Variants in PLAA observed in about 807,000 individuals in gnomAD.
PLAA encodes the protein phospholipase A-2-activating protein.
A neutral mutation model predicts 84.1 loss-of-function variants in PLAA; 48 were observed. The ratio of observed to expected loss-of-function variants is 0.57; its 90% CI spans 0.45 to 0.73. The LOEUF is 0.73. Among genes scored for constraint, PLAA ranks in the 30% least tolerant of loss-of-function variants. The pLI is 0.00. For synonymous variants in PLAA, 392 were observed against 336.6 expected (o/e 1.16, Z -1.80); for missense variants, 903 against 954.7 (o/e 0.95, Z 0.71).
chr9:26,917,116 G>A lies in PLAA; in HGVS notation c.1467C>T (p.Pro489=). 6.2e-7 allele frequency: 1 copy of A among 1,613,748 alleles called. No homozygotes were observed. Among genetic ancestry groups the A allele is most frequent in the Non-Finnish European group, 8.5e-7 (1 of 1,179,706 alleles). ...TCCCACCTGTAAAAGGATCTGCTGT[G>A]GGTAGTGTGTTAGAAGATCCCGAAG... The part of the protein sequence containing the change: ...PGSSGSSNTL[P]TADPFTGAGR... The change falls in exon 10 of 14, where the codon CCC becomes CCT. Residue 489 remains proline (P), a synonymous_variant. Transcript: ENST00000397292.
Position 26,935,068 on chromosome 9 carries a change from A to C in PLAA, c.288T>G (p.Ile96Met). Residue 96 changes from isoleucine to methionine, a missense_variant, in exon 2 of 14, where the codon ATT (isoleucine) becomes ATG (methionine). Transcript: ENST00000397292. ...GTGGCATTGGACTGTCCAGTGAGAA[A>C]ATGCATATATTGTGGTCATTTCCAC... is the stretch of plus-strand genomic sequence containing the variant. The part of the protein sequence containing the change: ...ATGGNDHNIC[I>M]FSLDSPMPLY... The C allele has an allele frequency of 6.2e-7, 1 of 1,609,630 alleles. No individual in the cohort carries two copies. The highest frequency in any genetic ancestry group is 1.3e-5 in the African/African-American group (1 of 74,818).
At chr9:26,942,541 G>A (rs549256367) in intron 1 of PLAA, among the ~76,000 whole-genome samples, 4 of 152,206 alleles carry the variant, frequency 2.6e-5, no homozygotes, top group African/African-American at 9.7e-5. Flanking sequence ...TCATAAAATT[G>A]TTGAGGAAGA....
At chr9:26,945,143 A>C (rs1322430488) in intron 1 of PLAA, among the ~76,000 whole-genome samples, 1 of 152,208 alleles carries the variant, frequency 6.6e-6, no homozygotes, top group African/African-American at 2.4e-5. Context: ...AAAAAAATCA[A>C]TAGTTCAATG....
intron 12 of PLAA, among the ~76,000 whole-genome samples, chr9:26,909,162 C>G (rs1323774962): frequency 6.6e-6 from 1 of 151,984 alleles, no homozygotes; most frequent in Non-Finnish European, 1.5e-5. Context: ...AGTCCAAATT[C>G]CGATAATAAG....
chr9:26,945,136 A>G (rs1825649425), intron 1 of PLAA, among the ~76,000 whole-genome samples: 1 of 152,226 alleles, frequency 6.6e-6, no homozygotes, highest in African/African-American at 2.4e-5. Flanking sequence ...TCAAAAAAAA[A>G]AAATCAATAG....
At chr9:26,930,553 A>T (rs1825148529) in intron 2 of PLAA, among the ~76,000 whole-genome samples, 1 of 151,634 alleles carries the variant, frequency 6.6e-6, no homozygotes, top group Non-Finnish European at 1.5e-5. Flanking sequence ...AGGGTTAATG[A>T]GAAATACTCA....
At chr9:26,936,940 A>T (rs185086594) in intron 1 of PLAA, among the ~76,000 whole-genome samples, 19 of 152,260 alleles carry the variant, frequency 1.2e-4, no homozygotes, top group African/African-American at 3.4e-4. Flanking sequence ...CAGGAGTTGG[A>T]GACCAGCCTT....
In PLAA at chr9:26,913,904, G is replaced by A; in HGVS notation, c.1530C>T (p.Thr510=). The change falls in exon 11 of 14, where the codon ACC becomes ACT. Residue 510 remains threonine (T), a synonymous_variant. Transcript: ENST00000397292. The part of the protein sequence containing the change: ...YVPGSASMGT[T]MAGVDPFTGN... ...CTGTAAATGGATCAACTCCGGCCAT[G>A]GTAGTTCCCATACTTGCAGAACCTG... 6.2e-7 allele frequency: 1 copy of A among 1,612,052 alleles called. No individual in the cohort carries two copies. The highest frequency in any genetic ancestry group is 1.1e-5 in the South Asian group (1 of 90,982).
At chr9:26,939,653 A>G (rs566369155) in intron 1 of PLAA, among the ~76,000 whole-genome samples, 1 of 152,186 alleles carries the variant, frequency 6.6e-6, no homozygotes, top group African/African-American at 2.4e-5. Context: ...GCTGTTTATG[A>G]GACTCACTTT....
chr9:26,915,980 A>G, intron 10 of PLAA: 1 of 985,420 alleles, frequency 1.0e-6, no homozygotes, highest in Non-Finnish European at 1.2e-6. Context: ...TTGAAATCAC[A>G]TTATGTTATC....
chr9:26,928,536 A>G (rs1825056465), intron 2 of PLAA, 128 bp from the exon 3 acceptor site: 2 of 700,890 alleles, frequency 2.9e-6, no homozygotes, highest in Middle Eastern at 3.9e-4. Context: ...CTAAGGCTCA[A>G]TTCAGCAGAG....
intron 10 of PLAA, chr9:26,916,356 G>A: frequency 1.0e-6 from 1 of 986,976 alleles, no homozygotes; most frequent in Non-Finnish European, 1.2e-6. Flanking sequence ...AAGCCATTCT[G>A]AAAATAGAGA....
chr9:26,932,018 C>T (rs1010814515), intron 2 of PLAA, among the ~76,000 whole-genome samples: 1 of 152,130 alleles, frequency 6.6e-6, no homozygotes, highest in South Asian at 2.1e-4. Context: ...ATCCAGGAGG[C>T]AGAGGTTACA....
chr9:26,920,340 C>T lies in PLAA; in HGVS notation c.1084G>A (p.Val362Ile). 6.2e-7 allele frequency: 1 copy of T among 1,613,598 alleles called. No homozygotes were observed. Among genetic ancestry groups the T allele is most frequent in the Non-Finnish European group, 8.5e-7 (1 of 1,179,570 alleles). ...QTRLIRDGEK[V>I]EAYQWSVSEG... ...CTAACACTCCACTGATAGGCTTCGACTTTCTCCCCATCTCTGATTAGACGA... is the reference window on the plus strand; with the variant it reads ...CTAACACTCCACTGATAGGCTTCGATTTTCTCCCCATCTCTGATTAGACGA... The change falls in exon 8 of 14, where the codon GTC becomes ATC. Residue 362 changes from valine to isoleucine, a missense_variant. Physicochemically the swap from Val to Ile is conservative, Grantham distance 29. Coordinates refer to ENST00000397292, the MANE Select transcript of PLAA (RefSeq NM_001031689.3).
intron 2 of PLAA, among the ~76,000 whole-genome samples, chr9:26,932,425 T>C (rs1286178167): frequency 6.6e-6 from 1 of 152,268 alleles, no homozygotes. Flanking sequence ...GAAAATTATA[T>C]GAAATTCAAA....
chr9:26,911,239 A>G (rs62544439), intron 11 of PLAA, among the ~76,000 whole-genome samples: 30,991 of 151,672 alleles, frequency 0.2, 3,746 homozygotes, highest in African/African-American at 0.33. Context: ...TGCAATCTCC[A>G]CCTCCTGAGT....
intron 4 of PLAA, among the ~76,000 whole-genome samples, 193 bp from the exon 5 acceptor site, chr9:26,926,753 A>C (rs1169083260): frequency 6.6e-6 from 1 of 152,100 alleles, no homozygotes; most frequent in Non-Finnish European, 1.5e-5. Context: ...TTTTATCACC[A>C]GTCTTCAGAA....
intron 1 of PLAA, among the ~76,000 whole-genome samples, chr9:26,939,484 C>CAAAAAAAAAAAAAAAAAAAACA (rs1825461068): frequency 5.2e-5 from 4 of 76,918 alleles, no homozygotes; most frequent in Admixed American, 4.1e-4. Context: ...GATGAGAGAC[C>CAAAAAAAAAAAAAAAAAAAACA]AAAAAAAAAA....
At chr9:26,931,722 A>G (rs1332446561) in intron 2 of PLAA, among the ~76,000 whole-genome samples, 2 of 152,204 alleles carry the variant, frequency 1.3e-5, no homozygotes, top group African/African-American at 4.8e-5. Context: ...TTAAGCAACA[A>G]GAAAAAAAGA....
Sources: gnomAD v4.1 joint callset for allele counts (sites outside exome capture counted in the v4.1 genomes callset) on GRCh38, gnomAD v4.1.1 for gene constraint, MANE v1.5 for transcripts, NCBI Gene and HGNC (gene_info 2026-07-23, HGNC 2026-07-21) for gene names.